SPATA31C1: variants seen among roughly 807,000 people sequenced by gnomAD.
The protein encoded by SPATA31C1 is SPATA31 subfamily C member 1.
chr9:87,921,545 G>A (rs987681072), exon 5 of SPATA31C1: 4 of 1,611,872 alleles, frequency 2.5e-6, no homozygotes, highest in African/African-American at 2.7e-5. Flanking sequence ...GGAAGGTTCT[G>A]GGGGCGACCT....
exon 5 of SPATA31C1, chr9:87,922,968 C>T (rs1243987033): frequency 8.1e-7 from 1 of 1,235,492 alleles, no homozygotes; most frequent in African/African-American, 1.9e-5. Context: ...AAACATCAAG[C>T]AATTTTTTGA....
intron 1 of SPATA31C1, among the ~76,000 whole-genome samples, chr9:87,916,982 G>A (rs1338506923): frequency 1.2e-5 from 1 of 82,506 alleles, no homozygotes; most frequent in Non-Finnish European, 2.6e-5. Context: ...GGGCAACAGA[G>A]TGAGACTCCA....
intron 1 of SPATA31C1, among the ~76,000 whole-genome samples, chr9:87,915,438 G>T (rs1828694637): frequency 6.9e-6 from 1 of 144,684 alleles, no homozygotes; most frequent in African/African-American, 2.5e-5. Context: ...GAGTAGCTGG[G>T]GATTACAGGC....
At chr9:87,920,386 T>C (rs181056382) in exon 5 of SPATA31C1, 74 of 1,613,938 alleles carry the variant, frequency 4.6e-5, no homozygotes, top group Non-Finnish European at 6.0e-5. Context: ...GCTGCTCCCA[T>C]TGTCTCCCCG....
chr9:87,919,074 C>G (rs1234408789), intron 2 of SPATA31C1, 181 bp from the exon 2 acceptor site: 5 of 1,025,340 alleles, frequency 4.9e-6, no homozygotes, highest in Non-Finnish European at 7.1e-6. Context: ...CCGACCCCCT[C>G]TTCCTGTTTT....
exon 5 of SPATA31C1, chr9:87,920,410 A>G: frequency 1.9e-6 from 3 of 1,613,900 alleles, no homozygotes; most frequent in Non-Finnish European, 2.5e-6. Flanking sequence ...GCTTCCCCGG[A>G]TCCTCGAACC....
chr9:87,920,588 C>T (rs933211853), exon 5 of SPATA31C1: 1 of 1,613,658 alleles, frequency 6.2e-7, no homozygotes, highest in Non-Finnish European at 8.5e-7. Flanking sequence ...ATCCTCTGGC[C>T]TGCTCTCCAC....
exon 5 of SPATA31C1, chr9:87,921,899 G>A (rs1828882830): frequency 1.9e-6 from 3 of 1,611,938 alleles, no homozygotes; most frequent in South Asian, 2.2e-5. Context: ...CCAAACACAG[G>A]TGGGGTCTAC....
rs564887430 is a variant in SPATA31C1, at chr9:87,917,036, G to A, written n.190-811G>A. On this transcript the variant is annotated intron_variant and non_coding_transcript_variant, in intron 1 of 4. Transcript: ENST00000420021. ...ACTGCAGGTCCTGCACATGTACCCC[G>A]GAACTTAAAATAAATACATAAGTAC... 9.6e-5 allele frequency among the ~76,000 whole-genome samples: 12 copies of A among 124,528 alleles called. 1 individual carries two copies. The East Asian group carries it at 1.2e-3, about 12-fold the overall frequency. 81.7% of individuals were successfully genotyped at this position (124,528 alleles called of 152,430 possible). A position where few individuals can be genotyped will look rare whatever the true frequency, so the allele number is the denominator to read the frequency against.
At chr9:87,916,391 G>C (rs1828719442) in intron 1 of SPATA31C1, among the ~76,000 whole-genome samples, 1 of 148,028 alleles carries the variant, frequency 6.8e-6, no homozygotes, top group African/African-American at 2.5e-5. Context: ...TTATTAATTG[G>C]ATGTTATCAA....
chr9:87,923,083 A>C (rs770060204), exon 5 of SPATA31C1: 2 of 1,602,162 alleles, frequency 1.2e-6, no homozygotes, highest in African/African-American at 2.7e-5. Context: ...GCTGAAGCTG[A>C]GAGGCTCATG....
intron 2 of SPATA31C1, 90 bp from the exon 2 acceptor site, chr9:87,919,165 A>G (rs1828777588): frequency 6.4e-7 from 1 of 1,568,548 alleles, no homozygotes; most frequent in African/African-American, 1.4e-5. Flanking sequence ...CAAGACAGAC[A>G]GAGCCATGCG....
rs139477866 is a variant in SPATA31C1, at chr9:87,922,495, G to C, written n.2885G>C. On this transcript the variant is annotated non_coding_transcript_exon_variant, in exon 5 of 5. Transcript: ENST00000420021. ...CTGTGTCTCATGGAGGAGGCTGTTA[G>C]TGAATTTGAGCCTGGAATGGCCACG... The C allele has an allele frequency of 2.4e-3, 3,868 of 1,610,644 alleles. 66 individuals carry two copies. The African/African-American group carries it at 0.044, about 18-fold the overall frequency.
In SPATA31C1 at chr9:87,923,295, C is replaced by T. The variant is rs754813901; in HGVS notation, n.3685C>T. ...ACAAGCCACTCTCAAGAACCAGAGT[C>T]GTCCCAACAGAGACAGACAAATCAG... is the stretch of plus-strand genomic sequence containing the variant. On this transcript the variant is annotated non_coding_transcript_exon_variant, in exon 5 of 5. Coordinates refer to ENST00000420021, the Ensembl canonical transcript of SPATA31C1. The T allele has an allele frequency of 3.4e-5, 54 of 1,603,530 alleles. No individual in the cohort carries two copies. In the South Asian group the frequency reaches 3.8e-4, roughly 11 times the overall value.
intron 2 of SPATA31C1, 195 bp from the exon 2 acceptor site, chr9:87,919,060 G>A (rs1182182691): frequency 1.7e-5 from 15 of 884,152 alleles, no homozygotes; most frequent in East Asian, 8.8e-5. Flanking sequence ...GTGAGCCACC[G>A]CACCCGACCC....
exon 5 of SPATA31C1, chr9:87,921,067 C>G: frequency 1.2e-6 from 2 of 1,611,438 alleles, no homozygotes; most frequent in Non-Finnish European, 1.7e-6. Flanking sequence ...GCTTGCCCTG[C>G]GTCGCAGAAT....
intron 1 of SPATA31C1, among the ~76,000 whole-genome samples, chr9:87,915,608 T>C (rs943969188): frequency 1.4e-5 from 2 of 145,500 alleles, no homozygotes; most frequent in East Asian, 4.2e-4. Context: ...GCTGATCCTT[T>C]TTTTTTTAAT....
exon 5 of SPATA31C1, chr9:87,922,213 G>A: frequency 6.2e-7 from 1 of 1,613,346 alleles, no homozygotes; most frequent in Non-Finnish European, 8.5e-7. Flanking sequence ...CCTACAGCTG[G>A]ACAGGAGGGC....
exon 5 of SPATA31C1, chr9:87,923,192 C>G (rs1364071706): frequency 2.5e-6 from 4 of 1,603,254 alleles, no homozygotes; most frequent in Non-Finnish European, 3.4e-6. Context: ...AAGCCCCAGT[C>G]TGTGGGTTTC....
Sources: allele counts gnomAD v4.1 joint callset (sites outside exome capture counted in the v4.1 genomes callset), GRCh38; gene constraint gnomAD v4.1.1; transcripts MANE v1.5; gene names NCBI Gene and HGNC (gene_info 2026-07-23, HGNC 2026-07-21).